The following CDYL2 variants were observed in gnomAD, a reference collection of about 807,000 sequenced individuals.
The protein encoded by CDYL2 is chromodomain Y like 2.
A neutral mutation model predicts 49.4 loss-of-function variants in CDYL2; 23 were observed. The observed-to-expected ratio is 0.47, with a 90% CI of 0.34 to 0.66. The LOEUF is 0.66. CDYL2 is among the 30% of genes least tolerant of loss of function. The pLI is 0.01. For synonymous variants in CDYL2, 360 were observed against 268.8 expected (o/e 1.34, Z -3.32); for missense variants, 678 against 656.4 (o/e 1.03, Z -0.36).
At chr16:80,671,922 CCAA>C (rs1455459903) in intron 2 of CDYL2, among the ~76,000 whole-genome samples, 1 of 152,158 alleles carries the variant, frequency 6.6e-6, no homozygotes, top group African/African-American at 2.4e-5. Flanking sequence ...ACCTAAATGT[CCAA>C]CAACAAGAGA....
intron 4 of CDYL2, among the ~76,000 whole-genome samples, 156 bp downstream of exon 4, chr16:80,620,607 A>T (rs1390183366): frequency 1.3e-5 from 2 of 152,258 alleles, no homozygotes; most frequent in Non-Finnish European, 2.9e-5. Flanking sequence ...CCAACATTTT[A>T]AAAATGTAAG....
At chr16:80,643,415 T>C (rs1345109197) in intron 2 of CDYL2, among the ~76,000 whole-genome samples, 3 of 152,170 alleles carry the variant, frequency 2.0e-5, no homozygotes, top group Non-Finnish European at 4.4e-5. Flanking sequence ...GGATTTACCA[T>C]TCTGGGGTCT....
At chr16:80,626,752 G>T (rs535636819) in intron 3 of CDYL2, among the ~76,000 whole-genome samples, 98 of 152,324 alleles carry the variant, frequency 6.4e-4, no homozygotes, top group African/African-American at 2.4e-3. Flanking sequence ...CACGGTGTAT[G>T]GAAGTTAGGG....
chr16:80,678,098 A>G (rs1432304235), intron 2 of CDYL2, among the ~76,000 whole-genome samples: 1 of 152,284 alleles, frequency 6.6e-6, no homozygotes, highest in Middle Eastern at 3.4e-3. Flanking sequence ...TACACCTTAT[A>G]CAAAAATCAA....
intron 1 of CDYL2, among the ~76,000 whole-genome samples, chr16:80,709,793 A>G (rs1277052750): frequency 6.6e-6 from 1 of 152,166 alleles, no homozygotes; most frequent in Non-Finnish European, 1.5e-5. Flanking sequence ...AGATTTCTTA[A>G]CCATCTTGCA....
intron 6 of CDYL2, among the ~76,000 whole-genome samples, chr16:80,607,792 T>G (rs1906408395): frequency 6.6e-6 from 1 of 152,152 alleles, no homozygotes; most frequent in South Asian, 2.1e-4. Context: ...GCTATAGATG[T>G]TTTGCGTTTT....
intron 1 of CDYL2, among the ~76,000 whole-genome samples, chr16:80,766,990 G>A (rs771738599): frequency 6.0e-4 from 91 of 152,202 alleles, no homozygotes; most frequent in Non-Finnish European, 1.2e-3. Context: ...ATAAACTGAG[G>A]CACAGAGAAG....
intron 1 of CDYL2, among the ~76,000 whole-genome samples, chr16:80,791,176 T>G (rs927871702): frequency 6.6e-6 from 1 of 152,196 alleles, no homozygotes; most frequent in Non-Finnish European, 1.5e-5. Context: ...TCGGTGAGTT[T>G]GGCTTATAGG....
intron 2 of CDYL2, among the ~76,000 whole-genome samples, chr16:80,664,565 G>C (rs905037834): frequency 6.6e-6 from 1 of 152,196 alleles, no homozygotes; most frequent in Non-Finnish European, 1.5e-5. Context: ...CACATAGTGA[G>C]GGGAAAGCAA....
intron 1 of CDYL2, among the ~76,000 whole-genome samples, chr16:80,697,272 C>T (rs775961415): frequency 6.6e-6 from 1 of 152,168 alleles, no homozygotes; most frequent in South Asian, 2.1e-4. Flanking sequence ...GCTCAACATA[C>T]ATTAGAAAAT....
chr16:80,673,541 A>T (rs1909618316), intron 2 of CDYL2, among the ~76,000 whole-genome samples: 1 of 152,204 alleles, frequency 6.6e-6, no homozygotes, highest in Admixed American at 6.5e-5. Flanking sequence ...CAATGCACAG[A>T]TGTGCAAGTG....
At chr16:80,784,140 C>A (rs556474466) in intron 1 of CDYL2, among the ~76,000 whole-genome samples, 4 of 152,212 alleles carry the variant, frequency 2.6e-5, no homozygotes, top group Non-Finnish European at 5.9e-5. Context: ...ATACACCTAT[C>A]CTGCTATTTT....
intron 1 of CDYL2, among the ~76,000 whole-genome samples, chr16:80,686,205 G>A (rs749037079): frequency 1.3e-5 from 2 of 152,174 alleles, no homozygotes; most frequent in Non-Finnish European, 2.9e-5. Context: ...TTGTCTTTAT[G>A]TAATCCCGTG....
At chr16:80,697,793 T>C (rs1195382574) in intron 1 of CDYL2, among the ~76,000 whole-genome samples, 2 of 151,800 alleles carry the variant, frequency 1.3e-5, no homozygotes, top group East Asian at 3.9e-4. Flanking sequence ...AGAAATCCCA[T>C]TTACAGTAGC....
chr16:80,641,455 T>A (rs1597142858), intron 2 of CDYL2, among the ~76,000 whole-genome samples: 2 of 152,102 alleles, frequency 1.3e-5, no homozygotes, highest in East Asian at 3.9e-4. Flanking sequence ...CTGAGAAATT[T>A]TATCAACACC....
intron 1 of CDYL2, among the ~76,000 whole-genome samples, chr16:80,794,092 A>G (rs1360937760): frequency 6.6e-6 from 1 of 152,220 alleles, no homozygotes; most frequent in African/African-American, 2.4e-5. Context: ...TGTTTCATGT[A>G]GAAAAACCTC....
At chr16:80,787,317 A>G (rs1347422659) in intron 1 of CDYL2, among the ~76,000 whole-genome samples, 1 of 152,204 alleles carries the variant, frequency 6.6e-6, no homozygotes, top group East Asian at 1.9e-4. Flanking sequence ...GAAACTACAC[A>G]AGAAGACTTT....
intron 1 of CDYL2, among the ~76,000 whole-genome samples, chr16:80,703,388 G>C (rs1007563920): frequency 2.0e-5 from 3 of 152,160 alleles, no homozygotes; most frequent in African/African-American, 7.2e-5. Flanking sequence ...TAGAGGTACA[G>C]TCAATGCTAG....
intron 1 of CDYL2, among the ~76,000 whole-genome samples, chr16:80,774,334 G>C (rs1167803468): frequency 6.9e-6 from 1 of 145,742 alleles, no homozygotes; most frequent in Admixed American, 7.0e-5. Flanking sequence ...TTTATATGTG[G>C]AATCTAAAAA....
Sources: gnomAD v4.1 joint callset for allele counts (sites outside exome capture counted in the v4.1 genomes callset) on GRCh38, gnomAD v4.1.1 for gene constraint, MANE v1.5 for transcripts, NCBI Gene and HGNC (gene_info 2026-07-23, HGNC 2026-07-21) for gene names.